The following XKR4 variants were observed in gnomAD, a reference collection of about 807,000 sequenced individuals.
XKR4 encodes XK-related protein 4.
XKR4 carries 12 observed loss-of-function variants against 53.9 expected under a neutral mutation model. The observed-to-expected ratio is 0.22, with a 90% CI of 0.14 to 0.36. The LOEUF is 0.36. Ranked by LOEUF, XKR4 falls within the 10% of genes least tolerant of loss-of-function variation. The pLI is 1.00. For synonymous variants in XKR4, 354 were observed against 362.4 expected (o/e 0.98, Z 0.26); for missense variants, 799 against 859.5 (o/e 0.93, Z 0.88).
intron 2 of XKR4, among the ~76,000 whole-genome samples, chr8:55,425,126 C>A (rs1804993594): frequency 6.6e-6 from 1 of 152,126 alleles, no homozygotes; most frequent in Admixed American, 6.5e-5. Flanking sequence ...CACATAGAGG[C>A]CCTCAATAAT....
chr8:55,411,830 C>T (rs1009169517), intron 2 of XKR4, among the ~76,000 whole-genome samples: 2 of 152,158 alleles, frequency 1.3e-5, no homozygotes, highest in African/African-American at 4.8e-5. Context: ...CCCAGCACTG[C>T]CTGACAGCGC....
chr8:55,458,488 G>A (rs1805603206), intron 2 of XKR4, among the ~76,000 whole-genome samples: 1 of 152,222 alleles, frequency 6.6e-6, no homozygotes, highest in Admixed American at 6.5e-5. Context: ...CAGCTCAGTG[G>A]AGGGCCACTG....
chr8:55,305,056 G>T (rs936748819), intron 1 of XKR4, among the ~76,000 whole-genome samples: 1 of 152,078 alleles, frequency 6.6e-6, no homozygotes, highest in African/African-American at 2.4e-5. Flanking sequence ...GGGAGAGAGA[G>T]GCACCCAGAT....
intron 2 of XKR4, chr8:55,452,617 T>C (rs1805471470): frequency 1.8e-5 from 21 of 1,171,250 alleles, no homozygotes; most frequent in South Asian, 2.4e-5. Flanking sequence ...ATCTGGACGA[T>C]GTCTGGCACC....
At chr8:55,397,133 G>C (rs1019601735) in intron 2 of XKR4, among the ~76,000 whole-genome samples, 1 of 152,178 alleles carries the variant, frequency 6.6e-6, no homozygotes, top group African/African-American at 2.4e-5. Flanking sequence ...CAATATTCCA[G>C]GTAACTCAAA....
chr8:55,134,484 A>C (rs1267059256), intron 1 of XKR4, among the ~76,000 whole-genome samples: 1 of 152,222 alleles, frequency 6.6e-6, no homozygotes, highest in African/African-American at 2.4e-5. Flanking sequence ...GAAAAAGTCA[A>C]AATAATGTTA....
intron 1 of XKR4, among the ~76,000 whole-genome samples, chr8:55,328,997 C>T (rs764285880): frequency 1.3e-5 from 2 of 152,152 alleles, no homozygotes; most frequent in African/African-American, 4.8e-5. Flanking sequence ...GTCCCTGATT[C>T]TCTTGTCCAC....
intron 1 of XKR4, among the ~76,000 whole-genome samples, chr8:55,307,273 AG>A (rs1819316653): frequency 6.6e-6 from 1 of 152,218 alleles, no homozygotes; most frequent in Non-Finnish European, 1.5e-5. Flanking sequence ...GAAGTTACAA[AG>A]AACTCCCAAA....
chr8:55,167,367 A>G (rs1817084280), intron 1 of XKR4, among the ~76,000 whole-genome samples: 1 of 152,254 alleles, frequency 6.6e-6, no homozygotes, highest in African/African-American at 2.4e-5. Context: ...GCCAATAAAA[A>G]GTGAGCACAA....
chr8:55,512,069 C>T (rs1041339168), intron 2 of XKR4, among the ~76,000 whole-genome samples: 2 of 152,180 alleles, frequency 1.3e-5, no homozygotes, highest in Non-Finnish European at 1.5e-5. Context: ...CACTGATTCT[C>T]ACTCACTCAA....
chr8:55,491,942 G>T (rs565503028), intron 2 of XKR4, among the ~76,000 whole-genome samples: 3 of 152,192 alleles, frequency 2.0e-5, no homozygotes, highest in Non-Finnish European at 4.4e-5. Flanking sequence ...AGAGGATGCC[G>T]ATGCAGGTTT....
rs10685965 is a variant in XKR4 at position 55,346,685 on chromosome 8, A to ATGTGTGTGTGTGTGTGTGTGTGTG, written c.807-10975_807-10952dup. Among the ~76,000 whole-genome samples the ATGTGTGTGTGTGTGTGTGTGTGTG allele has an allele frequency of 5.8e-5, 8 of 138,474 alleles. 1 individual carries two copies. Among genetic ancestry groups the ATGTGTGTGTGTGTGTGTGTGTGTG allele is most frequent in the African/African-American group, 1.6e-4 (6 of 36,540 alleles). 90.8% of individuals were successfully genotyped at this position (138,474 alleles called of 152,430 possible). A position where few individuals can be genotyped will look rare whatever the true frequency, so the allele number is the denominator to read the frequency against. On this transcript the variant is annotated intron_variant, in intron 1 of 2. Transcript: ENST00000327381. ...ACAAAAACAGAAACCTGTTGAGGTT[A>ATGTGTGTGTGTGTGTGTGTGTGTG]TGTGTGTGTGTGTGTGTGTGTGTGT...
chr8:55,442,137 A>G (rs1375796482), intron 2 of XKR4, among the ~76,000 whole-genome samples: 1 of 152,208 alleles, frequency 6.6e-6, no homozygotes, highest in Non-Finnish European at 1.5e-5. Context: ...CAAATTTTAA[A>G]AAGAAATAAA....
At chr8:55,450,403 T>C (rs1805419835) in intron 2 of XKR4, 5 of 585,342 alleles carry the variant, frequency 8.5e-6, no homozygotes, top group Non-Finnish European at 1.5e-5. Flanking sequence ...CATGTAGTTG[T>C]GGAACATGGC....
intron 2 of XKR4, among the ~76,000 whole-genome samples, chr8:55,501,435 C>T (rs1806433557): frequency 6.6e-6 from 1 of 151,930 alleles, no homozygotes; most frequent in Non-Finnish European, 1.5e-5. Flanking sequence ...AAATTCTGTA[C>T]CCATCAAACA....
chr8:55,136,797 A>G (rs1471101261), intron 1 of XKR4, among the ~76,000 whole-genome samples: 4 of 152,236 alleles, frequency 2.6e-5, no homozygotes, highest in African/African-American at 9.6e-5. Context: ...GCTTAAGTTT[A>G]AACAACTTTA....
At chr8:55,197,557 T>G (rs993811359) in intron 1 of XKR4, among the ~76,000 whole-genome samples, 3 of 151,912 alleles carry the variant, frequency 2.0e-5, no homozygotes, top group African/African-American at 7.3e-5. Flanking sequence ...TTTTTTTTTT[T>G]TTTTGAGACA....
chr8:55,473,187 C>T (rs531079220), intron 2 of XKR4, among the ~76,000 whole-genome samples: 1 of 152,164 alleles, frequency 6.6e-6, no homozygotes, highest in South Asian at 2.1e-4. Flanking sequence ...AAGCTGGGAC[C>T]TTCTCTGCAA....
At chr8:55,298,545 C>A (rs1819134210) in intron 1 of XKR4, among the ~76,000 whole-genome samples, 1 of 151,978 alleles carries the variant, frequency 6.6e-6, no homozygotes, top group South Asian at 2.1e-4. Context: ...GGGGGAGGTC[C>A]TAGATCTCCT....
Sources: gnomAD v4.1 joint callset for allele counts (sites outside exome capture counted in the v4.1 genomes callset) on GRCh38, gnomAD v4.1.1 for gene constraint, MANE v1.5 for transcripts, NCBI Gene and HGNC (gene_info 2026-07-23, HGNC 2026-07-21) for gene names.